Variants in SLCO1A2 observed in about 807,000 individuals in gnomAD.
SLCO1A2 encodes solute carrier organic anion transporter family member 1A2.
In SLCO1A2, 67 loss-of-function variants were observed where a neutral mutation model predicts 69.0. That is an observed-to-expected ratio of 0.97 (90% CI 0.80 to 1.19). The LOEUF (loss-of-function observed/expected upper bound fraction) is 1.19, where lower values mean the gene tolerates loss of function less well. SLCO1A2 is among the 50% of genes most tolerant of loss of function. The probability of loss-of-function intolerance (pLI) is 0.00; values close to 1 mark genes in which losing one functional copy is unlikely to be tolerated. For missense variants in SLCO1A2, 787 were observed against 793.7 expected (o/e 0.99, Z 0.10); for synonymous variants, 260 against 265.9 (o/e 0.98, Z 0.22).
chr12:21,400,977 T>C (rs996615093), intron 1 of SLCO1A2, among the ~76,000 whole-genome samples: 1 of 150,650 alleles, frequency 6.6e-6, no homozygotes, highest in Non-Finnish European at 1.5e-5. Flanking sequence ...TGTATACATA[T>C]GTAACTAACC....
intron 2 of SLCO1A2, among the ~76,000 whole-genome samples, chr12:21,356,754 A>C (rs913126639): frequency 6.6e-6 from 1 of 152,160 alleles, no homozygotes; most frequent in Non-Finnish European, 1.5e-5. Context: ...ATAGTAGCTT[A>C]ATTCTCATGC....
chr12:21,319,511 T>C (rs1245086943), intron 2 of SLCO1A2: 1 of 1,328,184 alleles, frequency 7.5e-7, no homozygotes, highest in African/African-American at 1.5e-5. Flanking sequence ...CTGCAACCCT[T>C]GAGCTCAGCA....
chr12:21,401,042 CA>C (rs71043272), intron 1 of SLCO1A2, among the ~76,000 whole-genome samples: 16,396 of 145,344 alleles, frequency 0.11, 1,122 homozygotes, highest in East Asian at 0.38. Flanking sequence ...AAAAAAAAGA[CA>C]AAAAAAAAAT....
At chr12:21,282,782 G>T (rs987994236) in intron 12 of SLCO1A2, among the ~76,000 whole-genome samples, 7 of 151,952 alleles carry the variant, frequency 4.6e-5, no homozygotes, top group African/African-American at 1.2e-4. Flanking sequence ...AGTAGTGTTT[G>T]TATATGCCAA....
At chr12:21,331,622 T>TAA (rs11313789) in intron 2 of SLCO1A2, among the ~76,000 whole-genome samples, 1 of 145,798 alleles carries the variant, frequency 6.9e-6, no homozygotes, top group Non-Finnish European at 1.5e-5. Context: ...ATCGCTGAGA[T>TAA]AAAAAAAAAA....
Position 21,320,196 on chromosome 12 carries a change from C to T in SLCO1A2, c.61-1273G>A, listed in dbSNP as rs139244261. The stretch of plus-strand genomic sequence containing the variant: ...CACACCTCCAGTCTTGAGCCAATCA[C>T]ACAACTTATTTTCTACCTCACATAT... On this transcript the variant is annotated intron_variant, in intron 2 of 14. Transcript: ENST00000683939. Among the ~76,000 whole-genome samples, 860 of 152,274 alleles carry T rather than the reference C, an allele frequency of 5.6e-3. 7 individuals carry two copies. Among genetic ancestry groups the T allele is most frequent in the African/African-American group, 0.02 (822 of 41,552 alleles).
upstream of SLCO1A2, among the ~76,000 whole-genome samples, chr12:21,397,323 C>G (rs1416671588): frequency 1.2e-3 from 180 of 152,144 alleles, no homozygotes; most frequent in African/African-American, 4.2e-3. Flanking sequence ...GAAGAGCTAA[C>G]TATCCTAAAT....
At chr12:21,378,328 G>A (rs930462939) in intron 1 of SLCO1A2, 3 of 1,614,138 alleles carry the variant, frequency 1.9e-6, no homozygotes, top group African/African-American at 2.7e-5. Flanking sequence ...CAACTTTGGT[G>A]CCATTCTCTC....
intron 8 of SLCO1A2, among the ~76,000 whole-genome samples, chr12:21,299,559 A>C (rs981167878): frequency 6.7e-6 from 1 of 149,688 alleles, no homozygotes; most frequent in African/African-American, 2.4e-5. Context: ...GTCACCGATC[A>C]TGTTTTTTTT....
chr12:21,295,104 A>C (rs1204776128), intron 10 of SLCO1A2: 1 of 152,256 alleles, frequency 6.6e-6, no homozygotes, highest in African/African-American at 2.4e-5. Context: ...TATTTTAGAC[A>C]TAGCAATATA....
intron 2 of SLCO1A2, among the ~76,000 whole-genome samples, chr12:21,350,948 C>T (rs1343761191): frequency 1.4e-5 from 2 of 146,568 alleles, no homozygotes; most frequent in Non-Finnish European, 3.0e-5. Flanking sequence ...TTTTAATAAG[C>T]ATATACTGCG....
At chr12:21,275,992 C>A (rs997295233) in intron 12 of SLCO1A2, among the ~76,000 whole-genome samples, 1 of 151,930 alleles carries the variant, frequency 6.6e-6, no homozygotes, top group African/African-American at 2.4e-5. Flanking sequence ...CACTAAAAAT[C>A]TGCAGTAAGA....
upstream of SLCO1A2, among the ~76,000 whole-genome samples, chr12:21,395,901 G>C (rs1172303376): frequency 2.6e-5 from 4 of 151,384 alleles, no homozygotes; most frequent in African/African-American, 9.7e-5. Flanking sequence ...ACCAAAAGTA[G>C]ATAAAACCAC....
intron 2 of SLCO1A2, among the ~76,000 whole-genome samples, chr12:21,320,698 C>G (rs1275900430): frequency 6.6e-6 from 1 of 151,984 alleles, no homozygotes; most frequent in Non-Finnish European, 1.5e-5. Flanking sequence ...GGGGTTTCAC[C>G]ATGTTGGCCA....
At chr12:21,358,946 A>G (rs1938592738) in intron 2 of SLCO1A2, among the ~76,000 whole-genome samples, 1 of 152,232 alleles carries the variant, frequency 6.6e-6, no homozygotes, top group Non-Finnish European at 1.5e-5. Context: ...AACAGGCTGA[A>G]GATATTCACA....
intron 6 of SLCO1A2, among the ~76,000 whole-genome samples, chr12:21,302,945 G>A (rs1317932930): frequency 6.6e-6 from 1 of 152,060 alleles, no homozygotes; most frequent in East Asian, 1.9e-4. Flanking sequence ...GTCCGCCTCA[G>A]CCTCCCAAAG....
At chr12:21,383,132 CT>C (rs1409140648) in intron 1 of SLCO1A2, among the ~76,000 whole-genome samples, 1 of 151,968 alleles carries the variant, frequency 6.6e-6, no homozygotes, top group Non-Finnish European at 1.5e-5. Flanking sequence ...GATACTTTTG[CT>C]TTGTTTTATT....
upstream of SLCO1A2, among the ~76,000 whole-genome samples, chr12:21,400,150 A>G (rs1020141862): frequency 1.3e-5 from 2 of 152,316 alleles, no homozygotes; most frequent in Admixed American, 1.3e-4. Context: ...TAATATCCAG[A>G]ATCTACAATG....
intron 9 of SLCO1A2, 48 bp downstream of exon 9, chr12:21,297,356 T>C (rs1947885344): frequency 6.6e-7 from 1 of 1,525,022 alleles, no homozygotes; most frequent in Non-Finnish European, 9.0e-7. Flanking sequence ...CATCACACTG[T>C]TCGTGGGGGG....
Sources: gnomAD v4.1 joint callset for allele counts (sites outside exome capture counted in the v4.1 genomes callset) on GRCh38, gnomAD v4.1.1 for gene constraint, MANE v1.5 for transcripts, NCBI Gene and HGNC (gene_info 2026-07-23, HGNC 2026-07-21) for gene names.